Variants in FN1 observed in about 807,000 individuals in gnomAD.
The protein encoded by FN1 is fibronectin.
In FN1, 106 loss-of-function variants were observed where a neutral mutation model predicts 297.3. The observed-to-expected ratio is 0.36, with a 90% CI of 0.30 to 0.42. FN1 has a LOEUF of 0.42. FN1 is among the 10% of genes least tolerant of loss of function. FN1 has a pLI of 1.00. For synonymous variants in FN1, 1,149 were observed against 1,152.6 expected (o/e 1.00, Z 0.06); for missense variants, 2,690 against 3,124.9 (o/e 0.86, Z 3.32).
intron 36 of FN1, 26 bp from the exon 37 acceptor site, chr2:215,375,744 T>G: frequency 5.9e-5 from 82 of 1,399,522 alleles, no homozygotes; most frequent in Non-Finnish European, 7.5e-5. Context: ...AGATGATTTT[T>G]AACAGTTCTT....
At chr2:215,381,135 C>G in intron 32 of FN1, 55 bp from the exon 33 acceptor site, 1 of 1,573,324 alleles carries the variant, frequency 6.4e-7, no homozygotes, top group Non-Finnish European at 8.7e-7. Flanking sequence ...GTGAAATAAG[C>G]ATTTTTATAA....
rs75853925 is a variant in FN1 at position 215,425,479 on chromosome 2, T to C, written c.845-194A>G. On this transcript the variant is annotated intron_variant, in intron 6 of 45. Transcript: ENST00000354785. ...GCCTAGGAAATAATCCACAAGTGTC[T>C]ACCAAGTGGTCTCCATCCTCCAGCT... is the stretch of plus-strand genomic sequence containing the variant. Among the ~76,000 whole-genome samples the C allele has an allele frequency of 0.029, 4,394 of 152,332 alleles. 103 individuals carry two copies. Among genetic ancestry groups the C allele is most frequent in the Non-Finnish European group, 0.046 (3,155 of 68,030 alleles).
chr2:215,385,212 A>G (rs534577031), intron 28 of FN1, among the ~76,000 whole-genome samples: 4 of 150,510 alleles, frequency 2.7e-5, no homozygotes, highest in Admixed American at 6.7e-5. Flanking sequence ...TTCCCTCAAC[A>G]TTTTATTTGG....
At chr2:215,428,151 TTCCCG>T in intron 6 of FN1, 24 bp downstream of exon 6, 1 of 1,613,224 alleles carries the variant, frequency 6.2e-7, no homozygotes, top group Non-Finnish European at 8.5e-7. Flanking sequence ...GCTTCCCCAT[TTCCCG>T]CCCCTGCTCG....
chr2:215,370,759 G>A (rs2055852983), intron 40 of FN1, among the ~76,000 whole-genome samples: 2 of 152,098 alleles, frequency 1.3e-5, no homozygotes, highest in South Asian at 4.1e-4. Flanking sequence ...CCCTCTGGAA[G>A]CCCTGGCCAT....
intron 35 of FN1, among the ~76,000 whole-genome samples, chr2:215,377,561 G>T (rs2057527182): frequency 6.6e-6 from 1 of 152,082 alleles, no homozygotes. Context: ...GCTTCCCAAG[G>T]CCTCCCTAGA....
At chr2:215,399,776 A>C (rs532267074) in intron 20 of FN1, among the ~76,000 whole-genome samples, 1 of 152,338 alleles carries the variant, frequency 6.6e-6, no homozygotes, top group South Asian at 2.1e-4. Flanking sequence ...ATTTCCCTAT[A>C]TCGTCAGTGT....
intron 2 of FN1, among the ~76,000 whole-genome samples, chr2:215,434,253 C>G (rs1296498993): frequency 6.6e-6 from 1 of 152,176 alleles, no homozygotes; most frequent in African/African-American, 2.4e-5. Context: ...ATCATTGGTC[C>G]TAAAGGAATG....
In FN1 at chr2:215,370,360, C is replaced by T; in HGVS notation, c.6787G>A (p.Val2263Met). The T allele has an allele frequency of 6.2e-7, 1 of 1,613,752 alleles. No homozygotes were observed. Among genetic ancestry groups the T allele is most frequent in the East Asian group, 2.2e-5 (1 of 44,864 alleles). Residue 2263 changes from valine to methionine, a missense_variant, in exon 41 of 46, where the codon GTG (valine) becomes ATG (methionine). Physicochemically the swap from Val to Met is conservative, Grantham distance 21 (BLOSUM62 1). This residue lies in a region of FN1 where 1,743 missense variants were observed against 1,945.2 expected (regional missense o/e 0.90). Transcript: ENST00000354785. Reference sequence around the variant, plus strand: ...CTCTGCTGGTCTTTCAGTGCCTCCACTATGACGTTGTAGGTGGCACCTCTG... The same window carrying T: ...CTCTGCTGGTCTTTCAGTGCCTCCATTATGACGTTGTAGGTGGCACCTCTG... ...LTRGATYNVIVEALKDQQRHK... is the reference protein window; with the variant it reads ...LTRGATYNVIMEALKDQQRHK...
intron 24 of FN1, 139 bp from the exon 25 acceptor site, chr2:215,393,342 CTG>C (rs1331713838): frequency 1.3e-6 from 1 of 773,658 alleles, no homozygotes; most frequent in Non-Finnish European, 2.0e-6. Flanking sequence ...AATATGCAAT[CTG>C]TTTTAAATTC....
Position 215,433,466 on chromosome 2 carries a change from G to C in FN1, c.278-5C>G. ...TGTCAAAGCAAGTCTCTTCAGCTGA[G>C]GGGAAAAGGAAAGTCCATGTGAGCC... On this transcript the variant is annotated splice_region_variant and splice_polypyrimidine_tract_variant and intron_variant, in intron 2 of 45. Coordinates refer to ENST00000354785, the MANE Select transcript of FN1 (RefSeq NM_212482.4). The C allele has an allele frequency of 6.2e-7, 1 of 1,613,602 alleles. No homozygotes were observed. The highest frequency in any genetic ancestry group is 1.1e-5 in the South Asian group (1 of 91,032).
At chr2:215,401,775 A>T (rs2106213196) in intron 20 of FN1, among the ~76,000 whole-genome samples, 1 of 151,586 alleles carries the variant, frequency 6.6e-6, no homozygotes, top group Admixed American at 6.6e-5. Context: ...TTCAGTCTGG[A>T]TTCTAAGGAG....
intron 10 of FN1, among the ~76,000 whole-genome samples, chr2:215,421,681 T>A (rs1287876300): frequency 1.3e-5 from 2 of 152,248 alleles, no homozygotes; most frequent in Admixed American, 6.5e-5. Flanking sequence ...TAGTCCCCTA[T>A]GTATTTGTTT....
At chr2:215,413,308 G>A (rs1161960308) in intron 13 of FN1, among the ~76,000 whole-genome samples, 2 of 152,088 alleles carry the variant, frequency 1.3e-5, no homozygotes, top group Non-Finnish European at 2.9e-5. Context: ...TAGTAGAGAC[G>A]GGGTTTCGCC....
intron 5 of FN1, among the ~76,000 whole-genome samples, chr2:215,429,404 G>A (rs7556883): frequency 0.041 from 6,170 of 152,212 alleles, 405 homozygotes; most frequent in African/African-American, 0.14. Flanking sequence ...AATTTGCTCT[G>A]TGCCACGATG....
rs571159227 is a variant in FN1 at position 215,386,076 on chromosome 2, C to CTTTTTTTTTT, written c.4612+603_4612+612dup. 8.2e-5 allele frequency among the ~76,000 whole-genome samples: 9 copies of CTTTTTTTTTT among 109,420 alleles called. 1 individual carries two copies. Among genetic ancestry groups the CTTTTTTTTTT allele is most frequent in the Admixed American group, 4.6e-4 (4 of 8,724 alleles). 71.8% of individuals were successfully genotyped at this position (109,420 alleles called of 152,430 possible). A position where few individuals can be genotyped will look rare whatever the true frequency, so the allele number is the denominator to read the frequency against. On this transcript the variant is annotated intron_variant, in intron 28 of 45. Coordinates refer to ENST00000354785, the MANE Select transcript of FN1 (RefSeq NM_212482.4). ...CAAGCGTGAGCCATTGCGCCTGGCC[C>CTTTTTTTTTT]TTTTTTTTTTTTTTTTTTTGAGACA...
chr2:215,378,025 C>T (rs1336793382), intron 35 of FN1, 150 bp downstream of exon 35: 2 of 651,828 alleles, frequency 3.1e-6, no homozygotes, highest in Admixed American at 4.2e-5. Context: ...CCGGGTAGGT[C>T]TCAAACTCCT....
At chr2:215,428,100 T>C in intron 6 of FN1, 80 bp downstream of exon 6, 5 of 1,503,272 alleles carry the variant, frequency 3.3e-6, no homozygotes, top group South Asian at 2.3e-5. Context: ...TCAAATGGCA[T>C]GTCAAAGGAA....
In FN1 at chr2:215,371,673, C is replaced by CT. The variant is rs11358448; in HGVS notation, c.6714+235dup. On this transcript the variant is annotated intron_variant, in intron 40 of 45. Coordinates refer to ENST00000354785, the MANE Select transcript of FN1 (RefSeq NM_212482.4). The stretch of plus-strand genomic sequence containing the variant: ...CTAAGAGGTTCTAAAAGTGGAGCCA[C>CT]TTTTTTTTTTTTTTTTTTTTCAAGA... Among the ~76,000 whole-genome samples, 240 of 108,986 alleles carry CT rather than the reference C, an allele frequency of 2.2e-3. 6 individuals are homozygous for CT. The East Asian group carries it at 0.037, about 17-fold the overall frequency. 71.5% of individuals were successfully genotyped at this position (108,986 alleles called of 152,430 possible). A position where few individuals can be genotyped will look rare whatever the true frequency, so the allele number is the denominator to read the frequency against.
Sources: allele counts gnomAD v4.1 joint callset (sites outside exome capture counted in the v4.1 genomes callset), GRCh38; gene constraint gnomAD v4.1.1; regional missense constraint gnomAD v4.1.1; transcripts MANE v1.5; gene names NCBI Gene and HGNC (gene_info 2026-07-23, HGNC 2026-07-21).